ZNF169: variants seen among roughly 807,000 people sequenced by gnomAD.
The protein encoded by ZNF169 is zinc finger protein 169.
A neutral mutation model predicts 12.0 loss-of-function variants in ZNF169; 11 were observed. The ratio of observed to expected loss-of-function variants is 0.92; its 90% CI spans 0.58 to 1.52. ZNF169 has a LOEUF of 1.52. Among genes scored for constraint, ZNF169 ranks in the 40% most tolerant of loss-of-function variants. The pLI is 0.00. For synonymous variants in ZNF169, 302 were observed against 286.5 expected, an observed-to-expected ratio of 1.05 and a Z score of -0.55; for missense variants, 722 against 744.0, an observed-to-expected ratio of 0.97 and a Z score of 0.34.
At chr9:94,263,561 T>A (rs892500040) in intron 1 of ZNF169, among the ~76,000 whole-genome samples, 1 of 152,008 alleles carries the variant, frequency 6.6e-6, no homozygotes, top group Non-Finnish European at 1.5e-5. Context: ...GTGCCTTTTT[T>A]ATTTATTTTT....
chr9:94,299,551 G>T (rs564930084), intron 4 of ZNF169: 1 of 1,334,266 alleles, frequency 7.5e-7, no homozygotes, highest in East Asian at 2.7e-5. Flanking sequence ...AGGGAGCGGC[G>T]CCCAAGAAAG....
intron 2 of ZNF169, among the ~76,000 whole-genome samples, chr9:94,279,230 A>G (rs986160487): frequency 2.0e-5 from 3 of 151,896 alleles, no homozygotes; most frequent in South Asian, 2.1e-4. Context: ...CATCTCTACT[A>G]AAAGTACAAA....
At chr9:94,271,460 G>T (rs576043273) in intron 1 of ZNF169, among the ~76,000 whole-genome samples, 1 of 151,940 alleles carries the variant, frequency 6.6e-6, no homozygotes, top group Non-Finnish European at 1.5e-5. Context: ...AGTGGCTCAC[G>T]CCTGTAATCC....
chr9:94,299,572 G>A, intron 4 of ZNF169: 1 of 1,358,926 alleles, frequency 7.4e-7, no homozygotes, highest in Non-Finnish European at 9.4e-7. Context: ...GAAGATAAAT[G>A]TGTAACTCTA....
intron 1 of ZNF169, among the ~76,000 whole-genome samples, chr9:94,260,630 G>A (rs1471388271): frequency 2.0e-5 from 3 of 151,976 alleles, no homozygotes; most frequent in African/African-American, 7.3e-5. Flanking sequence ...CCAGATTGTC[G>A]GCTTCTGCAG....
At chr9:94,270,987 CAAATAAT>C (rs1830410952) in intron 1 of ZNF169, among the ~76,000 whole-genome samples, 1 of 3,360 alleles carries the variant, frequency 3.0e-4, no homozygotes, top group South Asian at 0.02. Flanking sequence ...TATAAATATA[CAAATAAT>C]ATATTATATA....
intron 1 of ZNF169, among the ~76,000 whole-genome samples, chr9:94,266,496 G>A (rs1351341758): frequency 6.6e-6 from 1 of 152,178 alleles, no homozygotes; most frequent in African/African-American, 2.4e-5. Context: ...AAACATAGTA[G>A]TGTGCAACAG....
intron 4 of ZNF169, chr9:94,294,519 T>C (rs1830913862): frequency 6.6e-6 from 1 of 152,230 alleles, no homozygotes. Flanking sequence ...ATATAAGTTA[T>C]GCCAACTTGT....
chr9:94,297,317 C>G (rs1830973079), intron 4 of ZNF169, among the ~76,000 whole-genome samples: 1 of 151,670 alleles, frequency 6.6e-6, no homozygotes. Flanking sequence ...ATTGTTTTGT[C>G]ATTTCTGGTA....
At chr9:94,281,886 C>G (rs1830646487) in intron 2 of ZNF169, among the ~76,000 whole-genome samples, 1 of 152,106 alleles carries the variant, frequency 6.6e-6, no homozygotes, top group African/African-American at 2.4e-5. Flanking sequence ...AGAAGAAGCT[C>G]TCAGATAGCA....
Position 94,299,855 on chromosome 9 carries a change from G to A in ZNF169, c.297G>A (p.Val99=), listed in dbSNP as rs62620753. Residue 99 remains valine, a synonymous_variant, in exon 5 of 5, where the codon GTG becomes GTA. Coordinates refer to ENST00000395395, the MANE Select transcript of ZNF169 (RefSeq NM_194320.4). ...TEFQPSFPHL[V]AFSSSQLLRQ... is the part of the protein sequence containing the mutation. ...TCCAGCCAAGTTTTCCCCACCTGGT[G>A]GCCTTTTCTAGCTCGCAGCTCCTCA... is the stretch of plus-strand genomic sequence containing the variant. The A allele has an allele frequency of 0.024, 38,500 of 1,613,832 alleles. 570 individuals carry two copies. Among genetic ancestry groups the A allele is most frequent in the Middle Eastern group, 0.037 (225 of 6,056 alleles).
At chr9:94,299,532 G>T (rs979888268) in intron 4 of ZNF169, 26 of 1,332,226 alleles carry the variant, frequency 2.0e-5, no homozygotes, top group Non-Finnish European at 2.4e-5. Flanking sequence ...TTGAGCTGGA[G>T]CAAAAGCAAG....
At chr9:94,289,496 A>G (rs888750009) in intron 2 of ZNF169, among the ~76,000 whole-genome samples, 1 of 152,118 alleles carries the variant, frequency 6.6e-6, no homozygotes, top group African/African-American at 2.4e-5. Context: ...ACCACTTAAA[A>G]AGCTATACAA....
At chr9:94,267,975 C>T (rs1479032264) in intron 1 of ZNF169, among the ~76,000 whole-genome samples, 1 of 149,798 alleles carries the variant, frequency 6.7e-6, no homozygotes, top group Non-Finnish European at 1.5e-5. Flanking sequence ...AAGCGATTCT[C>T]CTGCCTCAGC....
intron 1 of ZNF169, among the ~76,000 whole-genome samples, chr9:94,265,019 C>G (rs1485185110): frequency 1.5e-4 from 7 of 46,702 alleles, no homozygotes; most frequent in Non-Finnish European, 2.4e-4. Context: ...TTTCTGTACC[C>G]TGTTTTTTTT....
intron 2 of ZNF169, among the ~76,000 whole-genome samples, chr9:94,280,693 A>G (rs901647662): frequency 6.6e-6 from 1 of 152,194 alleles, no homozygotes; most frequent in Admixed American, 6.5e-5. Flanking sequence ...TGACGCAGGT[A>G]GCCTCACTGC....
In ZNF169 at chr9:94,301,199, T is replaced by C; in HGVS notation, c.1641T>C (p.Cys547=). 3 of 1,614,150 alleles carry C rather than the reference T, an allele frequency of 1.9e-6. No individual in the cohort carries two copies. Among genetic ancestry groups the C allele is most frequent in the Non-Finnish European group, 2.5e-6 (3 of 1,180,030 alleles). Residue 547 remains cysteine, a synonymous_variant, in exon 5 of 5, where the codon TGT becomes TGC. Coordinates refer to ENST00000395395, the MANE Select transcript of ZNF169 (RefSeq NM_194320.4). ...AGAAGCCCTGCATTTGCGATGAATG[T>C]GGGCGCGGCTTTGGCTTTAAGTCTG... is the stretch of plus-strand genomic sequence containing the variant. The part of the protein sequence containing the change: ...SGEKPCICDE[C]GRGFGFKSAL...
At position 94,271,536 on chromosome 9, in the gene ZNF169, G is replaced by A. The variant is rs530098025; in HGVS notation, c.-55-7222G>A. ...AAAGATCCAGACCACCCTGGCCAAC[G>A]TGCTGAAACCCCATTTCTACTAAAA... On this transcript the variant is annotated intron_variant, in intron 1 of 4. Transcript: ENST00000395395. 1.1e-4 allele frequency among the ~76,000 whole-genome samples: 17 copies of A among 151,942 alleles called. No homozygotes were observed. The South Asian group carries it at 2.1e-3, about 19-fold the overall frequency.
At position 94,300,944 on chromosome 9, in the gene ZNF169, T is replaced by C. The variant is rs866111429; in HGVS notation, c.1386T>C (p.Asp462=). The C allele has an allele frequency of 6.5e-7, 1 of 1,545,492 alleles. No individual in the cohort carries two copies. The highest frequency in any genetic ancestry group is 8.7e-7 in the Non-Finnish European group (1 of 1,150,752). The stretch of plus-strand genomic sequence containing the variant: ...GGGAGAAGCCCTACCTGTGCCCTGA[T>C]TGTGGGCGTGGCTTTGGTCAGAAGG... ...HTGEKPYLCP[D]CGRGFGQKVT... is the part of the protein sequence containing the mutation. Residue 462 remains aspartate, a synonymous_variant, in exon 5 of 5, where the codon GAT becomes GAC. Transcript: ENST00000395395.
Sources: gnomAD v4.1 joint callset for allele counts (sites outside exome capture counted in the v4.1 genomes callset) on GRCh38, gnomAD v4.1.1 for gene constraint, MANE v1.5 for transcripts, NCBI Gene and HGNC (gene_info 2026-07-23, HGNC 2026-07-21) for gene names.